The following MMS22L variants were observed in gnomAD, a reference collection of about 807,000 sequenced individuals.
MMS22L encodes the protein protein MMS22-like.
A neutral mutation model predicts 159.1 loss-of-function variants in MMS22L; 74 were observed. The ratio of observed to expected loss-of-function variants is 0.47; its 90% confidence interval spans 0.39 to 0.56. The LOEUF (loss-of-function observed/expected upper bound fraction) is 0.56. MMS22L is among the 20% of genes least tolerant of loss of function. The pLI is 0.00. For synonymous variants in MMS22L, 517 were observed against 506.9 expected, an observed-to-expected ratio of 1.02 and a Z score of -0.27; for missense variants, 1,351 against 1,422.1, an observed-to-expected ratio of 0.95 and a Z score of 0.80.
chr6:97,234,649 G>A (rs1811209533), intron 11 of MMS22L, among the ~76,000 whole-genome samples: 1 of 152,112 alleles, frequency 6.6e-6, no homozygotes, highest in South Asian at 2.1e-4. Flanking sequence ...CACATGTACT[G>A]GTAGAGCTTA....
chr6:97,280,983 T>C (rs1249181892), intron 3 of MMS22L, among the ~76,000 whole-genome samples: 1 of 152,218 alleles, frequency 6.6e-6, no homozygotes. Context: ...TTCTAAAAAT[T>C]ATAGTTCAAA....
chr6:97,227,584 G>A (rs1046736750), intron 14 of MMS22L, among the ~76,000 whole-genome samples: 5 of 152,182 alleles, frequency 3.3e-5, no homozygotes, highest in African/African-American at 1.2e-4. Context: ...ATGAAAACAC[G>A]GCATAGAATA....
chr6:97,236,361 G>C (rs936056447), intron 11 of MMS22L, among the ~76,000 whole-genome samples: 14 of 148,954 alleles, frequency 9.4e-5, no homozygotes, highest in African/African-American at 2.5e-4. Context: ...TCTGAAGTAA[G>C]TCATTAAGTC....
intron 10 of MMS22L, among the ~76,000 whole-genome samples, chr6:97,249,606 G>A (rs1813030110): frequency 6.6e-6 from 1 of 151,528 alleles, no homozygotes; most frequent in Admixed American, 6.6e-5. Context: ...CCATTTCACA[G>A]AAAACATAAT....
intron 4 of MMS22L, among the ~76,000 whole-genome samples, chr6:97,276,944 C>T (rs1816295859): frequency 6.6e-6 from 1 of 152,170 alleles, no homozygotes; most frequent in African/African-American, 2.4e-5. Context: ...TTCGTCAGTA[C>T]CTTGCAAAGT....
At chr6:97,237,450 C>G (rs1053949021) in intron 11 of MMS22L, among the ~76,000 whole-genome samples, 1 of 152,146 alleles carries the variant, frequency 6.6e-6, no homozygotes, top group African/African-American at 2.4e-5. Context: ...AACTTCCTAA[C>G]TCCCTTACTA....
At chr6:97,221,827 T>C (rs190270192) in intron 14 of MMS22L, among the ~76,000 whole-genome samples, 4 of 152,128 alleles carry the variant, frequency 2.6e-5, no homozygotes, top group Non-Finnish European at 5.9e-5. Context: ...TAAAATTATA[T>C]ATAATGAAAG....
In MMS22L at chr6:97,231,611, A is replaced by G; in HGVS notation, c.1344T>C (p.Leu448=). The G allele has an allele frequency of 1.2e-6, 2 of 1,613,670 alleles. No homozygotes were observed. The highest frequency in any genetic ancestry group is 1.1e-5 in the South Asian group (1 of 91,054). Reference sequence around the variant, plus strand: ...ACAAGGGTGACTTCATGGTATTAGCAAGGCCTTTAAAAGGAAGCCAAGAAA... The same window carrying G: ...ACAAGGGTGACTTCATGGTATTAGCGAGGCCTTTAAAAGGAAGCCAAGAAA... ...FSISWLPFKG[L]ANTMKSPLSM... The change falls in exon 13 of 25, where the codon CTT becomes CTC. Residue 448 remains leucine, a synonymous_variant. Transcript: ENST00000683635.
chr6:97,255,219 T>A (rs1813672020), intron 9 of MMS22L, among the ~76,000 whole-genome samples: 1 of 152,164 alleles, frequency 6.6e-6, no homozygotes, highest in South Asian at 2.1e-4. Flanking sequence ...AAAACATTTA[T>A]TCAATCTACT....
At chr6:97,264,794 G>T (rs1432921445) in intron 8 of MMS22L, 1 of 151,752 alleles carries the variant, frequency 6.6e-6, no homozygotes, top group East Asian at 1.9e-4. Context: ...CCCATATATA[G>T]TATATACCTA....
chr6:97,247,111 C>T (rs1234337223), intron 10 of MMS22L, among the ~76,000 whole-genome samples: 1 of 150,722 alleles, frequency 6.6e-6, no homozygotes, highest in African/African-American at 2.4e-5. Flanking sequence ...GAATAACAAA[C>T]CTGAGACCAT....
intron 22 of MMS22L, among the ~76,000 whole-genome samples, chr6:97,154,913 T>C (rs541296117): frequency 6.6e-6 from 1 of 152,340 alleles, no homozygotes; most frequent in African/African-American, 2.4e-5. Context: ...TCTTCTTCTT[T>C]TTCCAAGATT....
chr6:97,280,280 C>T (rs901172396), intron 3 of MMS22L, among the ~76,000 whole-genome samples: 2 of 152,070 alleles, frequency 1.3e-5, no homozygotes, highest in African/African-American at 4.8e-5. Flanking sequence ...TACCTAAAAT[C>T]TGAATATGAA....
intron 11 of MMS22L, among the ~76,000 whole-genome samples, chr6:97,243,091 T>C (rs1812255159): frequency 6.6e-6 from 1 of 152,174 alleles, no homozygotes; most frequent in Admixed American, 6.5e-5. Flanking sequence ...CCAGGTGTTC[T>C]TTGAGCTTCT....
intron 14 of MMS22L, among the ~76,000 whole-genome samples, chr6:97,203,271 A>G (rs921391279): frequency 3.3e-5 from 5 of 152,118 alleles, no homozygotes; most frequent in African/African-American, 1.2e-4. Flanking sequence ...GGTAAGATTA[A>G]CCTTTTGCTC....
chr6:97,223,585 T>C (rs1261651918), intron 14 of MMS22L, among the ~76,000 whole-genome samples: 2 of 152,138 alleles, frequency 1.3e-5, no homozygotes, highest in Non-Finnish European at 2.9e-5. Context: ...GTTCCAGATT[T>C]GGGGTTAAGA....
At chr6:97,270,547 G>A (rs1306578462) in intron 6 of MMS22L, 2 of 249,412 alleles carry the variant, frequency 8.0e-6, no homozygotes, top group Non-Finnish European at 1.6e-5. Flanking sequence ...TTCAAGTATT[G>A]TGTTATACTG....
At chr6:97,269,166 T>C (rs1305381407) in intron 7 of MMS22L, among the ~76,000 whole-genome samples, 1 of 152,100 alleles carries the variant, frequency 6.6e-6, no homozygotes, top group Admixed American at 6.5e-5. Flanking sequence ...AACGTAAAGA[T>C]GTTCAACTTC....
intron 21 of MMS22L, among the ~76,000 whole-genome samples, chr6:97,162,689 A>G (rs1029763344): frequency 6.6e-6 from 1 of 152,050 alleles, no homozygotes; most frequent in Non-Finnish European, 1.5e-5. Flanking sequence ...AGCAAGTTAA[A>G]GACTCAGAGA....
Sources: allele counts gnomAD v4.1 joint callset (sites outside exome capture counted in the v4.1 genomes callset), GRCh38; gene constraint gnomAD v4.1.1; transcripts MANE v1.5; gene names NCBI Gene and HGNC (gene_info 2026-07-23, HGNC 2026-07-21).